ADARB2: variants seen among roughly 807,000 people sequenced by gnomAD.
The protein encoded by ADARB2 is adenosine deaminase RNA specific B2 (inactive).
A neutral mutation model predicts 62.2 loss-of-function variants in ADARB2; 25 were observed. The ratio of observed to expected loss-of-function variants is 0.40; its 90% confidence interval spans 0.29 to 0.56. The LOEUF (loss-of-function observed/expected upper bound fraction) is 0.56. Among genes scored for constraint, ADARB2 ranks in the 20% least tolerant of loss-of-function variants. The probability of loss-of-function intolerance (pLI) is 0.43; values close to 1 mark genes in which losing one functional copy is unlikely to be tolerated. For missense variants in ADARB2, 1,071 were observed against 1,077.4 expected, an observed-to-expected ratio of 0.99 and a Z score of 0.08; for synonymous variants, 572 against 500.8, an observed-to-expected ratio of 1.14 and a Z score of -1.90.
At chr10:1,190,233 CAA>C (rs1836823681) in intron 8 of ADARB2, among the ~76,000 whole-genome samples, 2 of 152,066 alleles carry the variant, frequency 1.3e-5, no homozygotes. Context: ...GTGCTGTGGA[CAA>C]ACACGTACAC....
At position 1,464,812 on chromosome 10, in the gene ADARB2, C is replaced by T. The variant is rs967368136; in HGVS notation, c.101-85652G>A. ...GTGGACACACACTCCCCCACACACG[C>T]ACTGGGGGCAGTCACAGCGGGCAGT... On this transcript the variant is annotated intron_variant, in intron 1 of 9. Coordinates refer to ENST00000381312, the MANE Select transcript of ADARB2 (RefSeq NM_018702.4). Among the ~76,000 whole-genome samples, 113 of 148,064 alleles carry T rather than the reference C, an allele frequency of 7.6e-4. 1 individual carries two copies. Among genetic ancestry groups the T allele is most frequent in the Non-Finnish European group, 1.5e-3 (96 of 65,784 alleles).
rs145678553 is a variant in ADARB2 at position 1,519,207 on chromosome 10, T to C, written c.101-140047A>G. Among the ~76,000 whole-genome samples the C allele has an allele frequency of 3.1e-3, 472 of 150,500 alleles. 8 individuals are homozygous for C. The highest frequency in any genetic ancestry group is 9.8e-3 in the East Asian group (49 of 5,024). On this transcript the variant is annotated intron_variant, in intron 1 of 9. Coordinates refer to ENST00000381312, the MANE Select transcript of ADARB2 (RefSeq NM_018702.4). ...GGTGTGGTCATACGCCTATATTCCA[T>C]GTAACGTCTGCATGTGGTGTGGTCA...
intron 3 of ADARB2, among the ~76,000 whole-genome samples, chr10:1,302,196 C>T (rs887845293): frequency 9.9e-5 from 15 of 152,212 alleles, no homozygotes; most frequent in Admixed American, 5.2e-4. Flanking sequence ...CGAAGCAGGG[C>T]GAGGCATTGC....
chr10:1,715,785 G>A (rs1022894515), intron 1 of ADARB2, among the ~76,000 whole-genome samples: 1 of 152,264 alleles, frequency 6.6e-6, no homozygotes, highest in Non-Finnish European at 1.5e-5. Context: ...GGCTCCGGAA[G>A]GTTCCAGAGC....
intron 1 of ADARB2, among the ~76,000 whole-genome samples, chr10:1,502,915 G>A (rs559459679): frequency 1.6e-4 from 24 of 152,120 alleles, no homozygotes; most frequent in Non-Finnish European, 3.1e-4. Flanking sequence ...TGAGCATATG[G>A]TGCCATTTAT....
intron 1 of ADARB2, among the ~76,000 whole-genome samples, chr10:1,580,503 C>CTT (rs11376658): frequency 0.19 from 27,075 of 144,650 alleles, 2,896 homozygotes; most frequent in East Asian, 0.31. Flanking sequence ...TGTCTTAAGG[C>CTT]TTTTTTTTTT....
At chr10:1,460,831 A>G (rs1465903234) in intron 1 of ADARB2, among the ~76,000 whole-genome samples, 3 of 111,678 alleles carry the variant, frequency 2.7e-5, no homozygotes, top group Non-Finnish European at 5.5e-5. Context: ...CCTGTGTAGC[A>G]AACCTGCCTG....
At chr10:1,270,241 G>A (rs1274484030) in intron 4 of ADARB2, among the ~76,000 whole-genome samples, 3 of 152,086 alleles carry the variant, frequency 2.0e-5, no homozygotes, top group Non-Finnish European at 4.4e-5. Context: ...GTCTTTTTCC[G>A]CCTTAGATTT....
intron 1 of ADARB2, among the ~76,000 whole-genome samples, chr10:1,593,177 A>G (rs984772378): frequency 8.6e-6 from 1 of 116,076 alleles, no homozygotes; most frequent in Admixed American, 9.0e-5. Context: ...CCTCTCTGGC[A>G]TGGTCCCCTC....
intron 1 of ADARB2, among the ~76,000 whole-genome samples, chr10:1,641,190 A>G (rs970583688): frequency 2.6e-5 from 4 of 152,254 alleles, no homozygotes; most frequent in Non-Finnish European, 5.9e-5. Context: ...CCCGATATAA[A>G]ATAATTCAAT....
intron 1 of ADARB2, among the ~76,000 whole-genome samples, chr10:1,445,645 CT>C (rs1213820999): frequency 6.6e-6 from 1 of 152,214 alleles, no homozygotes; most frequent in Non-Finnish European, 1.5e-5. Context: ...GAACCATGCT[CT>C]TAAAAACTTA....
intron 1 of ADARB2, among the ~76,000 whole-genome samples, chr10:1,597,641 G>A (rs534603547): frequency 6.6e-6 from 1 of 152,330 alleles, no homozygotes; most frequent in East Asian, 1.9e-4. Flanking sequence ...GTGAGCTTGT[G>A]AAGCAAAGGG....
chr10:1,276,888 G>C (rs968942334), intron 3 of ADARB2, among the ~76,000 whole-genome samples: 1 of 152,324 alleles, frequency 6.6e-6, no homozygotes, highest in Middle Eastern at 3.4e-3. Context: ...TAAAAGAACA[G>C]AAGTTATAAC....
intron 4 of ADARB2, among the ~76,000 whole-genome samples, chr10:1,265,534 C>T (rs953502321): frequency 1.4e-4 from 22 of 152,044 alleles, no homozygotes; most frequent in African/African-American, 3.6e-4. Flanking sequence ...TCCCAGAAGA[C>T]GCCCTGAGCG....
intron 3 of ADARB2, among the ~76,000 whole-genome samples, chr10:1,354,987 C>G (rs1832180891): frequency 6.6e-6 from 1 of 152,210 alleles, no homozygotes; most frequent in African/African-American, 2.4e-5. Context: ...CCCCTGCAGG[C>G]AGGTGACCCG....
chr10:1,400,863 C>G (rs1832655678), intron 1 of ADARB2, among the ~76,000 whole-genome samples: 3 of 152,138 alleles, frequency 2.0e-5, no homozygotes, highest in African/African-American at 4.8e-5. Context: ...AGCCCTGGGA[C>G]AGCTGAATGT....
At chr10:1,603,572 G>T (rs1002413137) in intron 1 of ADARB2, among the ~76,000 whole-genome samples, 1 of 152,082 alleles carries the variant, frequency 6.6e-6, no homozygotes, top group African/African-American at 2.4e-5. Context: ...GAGAGCACGA[G>T]GTGCCCAGTG....
intron 1 of ADARB2, among the ~76,000 whole-genome samples, chr10:1,662,014 G>T (rs1212864808): frequency 6.6e-6 from 1 of 152,168 alleles, no homozygotes; most frequent in African/African-American, 2.4e-5. Context: ...TCCTCTCAGG[G>T]CATGTGCATT....
chr10:1,229,848 G>GTA (rs1830786964), intron 6 of ADARB2, among the ~76,000 whole-genome samples: 2 of 106,860 alleles, frequency 1.9e-5, no homozygotes, highest in Admixed American at 7.8e-5. Context: ...GTGCTTACGT[G>GTA]TGTGTGTGTG....
Sources: allele counts gnomAD v4.1 joint callset (sites outside exome capture counted in the v4.1 genomes callset), GRCh38; gene constraint gnomAD v4.1.1; transcripts MANE v1.5; gene names NCBI Gene and HGNC (gene_info 2026-07-23, HGNC 2026-07-21).